The following TBC1D5 variants were observed in gnomAD, a reference collection of about 807,000 sequenced individuals.
TBC1D5 encodes the protein TBC1 domain family member 5, also known as TBC1 domain family, member 5.
A neutral mutation model predicts 100.3 loss-of-function variants in TBC1D5; 75 were observed. The observed-to-expected ratio is 0.75, with a 90% CI of 0.62 to 0.91. The LOEUF is 0.91. TBC1D5 is among the 40% of genes least tolerant of loss of function. The probability of loss-of-function intolerance (pLI) is 0.00; values close to 1 mark genes in which losing one functional copy is unlikely to be tolerated. For synonymous variants in TBC1D5, 323 were observed against 325.6 expected, an observed-to-expected ratio of 0.99 and a Z score of 0.09; for missense variants, 910 against 942.4, an observed-to-expected ratio of 0.97 and a Z score of 0.45.
intron 1 of TBC1D5, among the ~76,000 whole-genome samples, chr3:17,697,146 T>C (rs1309741617): frequency 6.6e-6 from 1 of 152,142 alleles, no homozygotes; most frequent in Non-Finnish European, 1.5e-5. Context: ...ACAGCCAATA[T>C]CATACCGAAT....
upstream of TBC1D5, among the ~76,000 whole-genome samples, chr3:17,741,843 G>A (rs1445896404): frequency 1.0e-5 from 1 of 95,918 alleles, no homozygotes; most frequent in African/African-American, 4.1e-5. Context: ...CTCTTATCCT[G>A]AAAGACCTCC....
At chr3:17,217,605 T>C (rs2073805010) in intron 17 of TBC1D5, among the ~76,000 whole-genome samples, 1 of 152,160 alleles carries the variant, frequency 6.6e-6, no homozygotes, top group South Asian at 2.1e-4. Flanking sequence ...GATTTTGATT[T>C]GCAATTTTCC....
intron 3 of TBC1D5, among the ~76,000 whole-genome samples, chr3:17,471,374 T>C (rs2095370208): frequency 6.6e-6 from 1 of 152,190 alleles, no homozygotes; most frequent in Admixed American, 6.5e-5. Context: ...ATTCTTATTA[T>C]GCTTAAATAA....
chr3:17,434,680 A>T (rs2094504226), intron 3 of TBC1D5, among the ~76,000 whole-genome samples: 1 of 152,080 alleles, frequency 6.6e-6, no homozygotes, highest in African/African-American at 2.4e-5. Context: ...AGGCCACCCG[A>T]CCTGTGATGG....
chr3:17,295,704 T>C (rs1380151522), intron 14 of TBC1D5, among the ~76,000 whole-genome samples: 2 of 152,240 alleles, frequency 1.3e-5, no homozygotes, highest in South Asian at 2.1e-4. Context: ...TATTGAGATA[T>C]ACTTTCTTTC....
chr3:17,318,780 C>T (rs770483039), intron 13 of TBC1D5, among the ~76,000 whole-genome samples: 13 of 152,110 alleles, frequency 8.5e-5, no homozygotes, highest in Admixed American at 1.3e-4. Context: ...TCACAGGATT[C>T]GGAATGCATA....
chr3:17,717,994 A>G (rs559036355), intron 1 of TBC1D5, among the ~76,000 whole-genome samples: 1 of 152,252 alleles, frequency 6.6e-6, no homozygotes, highest in East Asian at 1.9e-4. Context: ...CTGAAATGAC[A>G]AGAGTGGTTT....
intron 3 of TBC1D5, among the ~76,000 whole-genome samples, chr3:17,493,413 T>G (rs1006660456): frequency 6.6e-6 from 1 of 152,098 alleles, no homozygotes; most frequent in African/African-American, 2.4e-5. Flanking sequence ...GATGATTATG[T>G]CTTGGGGTTG....
chr3:17,178,166 C>T (rs1464044307), intron 19 of TBC1D5, among the ~76,000 whole-genome samples: 13 of 150,682 alleles, frequency 8.6e-5, no homozygotes, highest in African/African-American at 2.7e-4. Flanking sequence ...CCTGGGTTCA[C>T]GCCATTCTCC....
intron 2 of TBC1D5, among the ~76,000 whole-genome samples, chr3:17,552,061 T>C (rs1410822744): frequency 6.6e-6 from 1 of 152,124 alleles, no homozygotes; most frequent in Non-Finnish European, 1.5e-5. Flanking sequence ...TATACATTTG[T>C]AGTTTTATGT....
At chr3:17,185,464 A>ATTGCATATACAATCTTGCATTGCAAATAT (rs1482356945) in intron 18 of TBC1D5, among the ~76,000 whole-genome samples, 7 of 152,234 alleles carry the variant, frequency 4.6e-5, no homozygotes, top group Admixed American at 6.5e-5. Context: ...TTACAGTTAG[A>ATTGCATATACAATCTTGCATTGCAAATAT]TTGCATATAC....
chr3:17,287,289 G>C (rs904607818), intron 15 of TBC1D5, among the ~76,000 whole-genome samples: 1 of 152,180 alleles, frequency 6.6e-6, no homozygotes, highest in East Asian at 1.9e-4. Flanking sequence ...TTTATACCAA[G>C]ATATGCAGGA....
At chr3:17,517,767 ATAAC>A (rs758484077) in intron 2 of TBC1D5, among the ~76,000 whole-genome samples, 3 of 152,158 alleles carry the variant, frequency 2.0e-5, no homozygotes, top group South Asian at 2.1e-4. Flanking sequence ...GATATACTAT[ATAAC>A]TAACTGCATT....
chr3:17,263,164 A>G (rs1214852503), intron 15 of TBC1D5, among the ~76,000 whole-genome samples: 1 of 151,826 alleles, frequency 6.6e-6, no homozygotes. Flanking sequence ...TGATCATGCC[A>G]CTGCATTCCA....
chr3:17,490,445 C>T (rs1203662807), intron 3 of TBC1D5, among the ~76,000 whole-genome samples: 2 of 152,124 alleles, frequency 1.3e-5, no homozygotes, highest in Non-Finnish European at 2.9e-5. Flanking sequence ...GCTAGATTTT[C>T]TTCCAGAGTT....
intron 2 of TBC1D5, among the ~76,000 whole-genome samples, chr3:17,607,792 C>A (rs2061428554): frequency 6.6e-6 from 1 of 152,090 alleles, no homozygotes. Context: ...CTGAAGTTTA[C>A]TAGAGGTTTT....
chr3:17,430,059 C>CA (rs2094419911), intron 3 of TBC1D5, among the ~76,000 whole-genome samples: 1 of 151,650 alleles, frequency 6.6e-6, no homozygotes, highest in African/African-American at 2.4e-5. Flanking sequence ...TCTTTGAAAA[C>CA]ATGGGTATGG....
chr3:17,348,395 G>A (rs1417658643), intron 13 of TBC1D5, among the ~76,000 whole-genome samples: 2 of 152,180 alleles, frequency 1.3e-5, no homozygotes, highest in East Asian at 3.8e-4. Context: ...CGAATTGTCA[G>A]TGGGCTACCC....
At chr3:17,485,327 T>A (rs556690976) in intron 3 of TBC1D5, among the ~76,000 whole-genome samples, 90 of 112,250 alleles carry the variant, frequency 8.0e-4, no homozygotes, top group Admixed American at 1.2e-3. Flanking sequence ...TACAAGCCAA[T>A]ATTCTTTATT....
Sources: gnomAD v4.1 joint callset for allele counts (sites outside exome capture counted in the v4.1 genomes callset) on GRCh38, gnomAD v4.1.1 for gene constraint, MANE v1.5 for transcripts, NCBI Gene and HGNC (gene_info 2026-07-23, HGNC 2026-07-21) for gene names.